Variants in PLCL1 observed in about 807,000 individuals in gnomAD.
PLCL1 encodes the protein phospholipase C like 1 (inactive).
In PLCL1, 41 loss-of-function variants were observed where a neutral mutation model predicts 84.4. The observed-to-expected ratio is 0.49, with a 90% CI of 0.38 to 0.63. PLCL1 has a LOEUF of 0.63. Ranked by LOEUF, PLCL1 falls within the 30% of genes least tolerant of loss-of-function variation. The pLI, the probability that PLCL1 is intolerant of heterozygous loss-of-function variation, is 0.00. For synonymous variants in PLCL1, 490 were observed against 488.3 expected, an observed-to-expected ratio of 1.00 and a Z score of -0.05; for missense variants, 1,206 against 1,367.8, an observed-to-expected ratio of 0.88 and a Z score of 1.87.
intron 1 of PLCL1, among the ~76,000 whole-genome samples, chr2:198,009,328 A>G (rs1690811251): frequency 6.6e-6 from 1 of 152,004 alleles, no homozygotes; most frequent in African/African-American, 2.4e-5. Flanking sequence ...TCTAATTTTT[A>G]GGTCTTTAAT....
At chr2:197,878,077 A>G (rs1373994088) in intron 1 of PLCL1, among the ~76,000 whole-genome samples, 6 of 152,310 alleles carry the variant, frequency 3.9e-5, no homozygotes, top group African/African-American at 7.2e-5. Context: ...AAAGGAGGCT[A>G]TATTTCTGGG....
chr2:198,008,388 A>G (rs1420266104), intron 1 of PLCL1, among the ~76,000 whole-genome samples: 1 of 152,078 alleles, frequency 6.6e-6, no homozygotes, highest in Non-Finnish European at 1.5e-5. Context: ...AGACCCTGGA[A>G]ATTACCATTC....
intron 1 of PLCL1, among the ~76,000 whole-genome samples, chr2:197,813,336 T>C (rs1690627253): frequency 1.3e-5 from 2 of 152,176 alleles, no homozygotes; most frequent in South Asian, 4.1e-4. Context: ...TAATCATTGA[T>C]GGTGACTAAT....
intron 1 of PLCL1, among the ~76,000 whole-genome samples, chr2:197,885,665 A>AT (rs1003995179): frequency 2.0e-5 from 3 of 152,140 alleles, no homozygotes; most frequent in Non-Finnish European, 4.4e-5. Flanking sequence ...CAGCTCAAAC[A>AT]TTTTTCCCTC....
At chr2:197,826,727 A>G (rs1402035173) in intron 1 of PLCL1, among the ~76,000 whole-genome samples, 5 of 152,180 alleles carry the variant, frequency 3.3e-5, no homozygotes, top group African/African-American at 1.2e-4. Context: ...AATGTATTAA[A>G]ACTGTAAGCC....
At chr2:197,983,709 C>T (rs1690165119) in intron 1 of PLCL1, among the ~76,000 whole-genome samples, 1 of 152,106 alleles carries the variant, frequency 6.6e-6, no homozygotes, top group Non-Finnish European at 1.5e-5. Context: ...GGTGATGAGG[C>T]CTGTAGGGAT....
At chr2:197,844,144 A>G (rs1452950944) in intron 1 of PLCL1, among the ~76,000 whole-genome samples, 1 of 152,158 alleles carries the variant, frequency 6.6e-6, no homozygotes, top group East Asian at 1.9e-4. Flanking sequence ...ATATATATAC[A>G]GAAAAGTGGT....
chr2:198,127,180 A>G (rs1318706148), intron 5 of PLCL1, among the ~76,000 whole-genome samples: 1 of 152,106 alleles, frequency 6.6e-6, no homozygotes, highest in African/African-American at 2.4e-5. Context: ...TTGCCCTTCC[A>G]TCCACATACC....
At chr2:197,879,798 T>A (rs1309948467) in intron 1 of PLCL1, among the ~76,000 whole-genome samples, 1 of 152,164 alleles carries the variant, frequency 6.6e-6, no homozygotes, top group Non-Finnish European at 1.5e-5. Context: ...AGGGCTAGCC[T>A]TTATCTTTCT....
chr2:198,044,506 A>T (rs997329397), intron 1 of PLCL1, among the ~76,000 whole-genome samples: 1 of 152,204 alleles, frequency 6.6e-6, no homozygotes, highest in African/African-American at 2.4e-5. Flanking sequence ...CTTAGAGAGG[A>T]ACAATTTCTG....
intron 1 of PLCL1, among the ~76,000 whole-genome samples, chr2:197,850,021 GACACACACAGACACAC>G (rs1279597393): frequency 3.2e-5 from 3 of 93,234 alleles, no homozygotes; most frequent in African/African-American, 9.2e-5. Context: ...CAGACACACA[GACACACACAGACACAC>G]ACACACACAC....
chr2:198,084,237 G>A lies in PLCL1; in HGVS notation c.720G>A (p.Arg240=). ...DFMEGNQNTP[R]FMWLKTVFEA... is the part of the protein sequence containing the mutation. The stretch of plus-strand genomic sequence containing the variant: ...TGGAGGGCAACCAGAACACACCACG[G>A]TTCATGTGGTTGAAAACAGTGTTTG... Residue 240 remains arginine, a synonymous_variant, in exon 2 of 6, where the codon CGG becomes CGA. Coordinates refer to ENST00000428675, the MANE Select transcript of PLCL1 (RefSeq NM_006226.4). 3 of 1,614,112 alleles carry A rather than the reference G, an allele frequency of 1.9e-6. No individual in the cohort carries two copies. The highest frequency in any genetic ancestry group is 2.2e-5 in the South Asian group (2 of 91,082).
chr2:198,039,806 T>A (rs1313239486), intron 1 of PLCL1, among the ~76,000 whole-genome samples: 7 of 152,214 alleles, frequency 4.6e-5, no homozygotes, highest in Admixed American at 6.5e-5. Context: ...TGCTGAGAAC[T>A]AGAGATGTTA....
Position 197,978,098 on chromosome 2 carries a change from A to G in PLCL1, c.241-105660A>G, listed in dbSNP as rs559580763. On this transcript the variant is annotated intron_variant, in intron 1 of 5. Coordinates refer to ENST00000428675, the MANE Select transcript of PLCL1 (RefSeq NM_006226.4). ...AACTCTGTATGATATTTTTTATTGT[A>G]GAGTAAATCCGCACTTTGTTCATAT... Among the ~76,000 whole-genome samples the G allele has an allele frequency of 5.9e-5, 9 of 152,342 alleles. No individual in the cohort carries two copies. The East Asian group carries it at 1.7e-3, about 29-fold the overall frequency.
In PLCL1 at chr2:198,008,490, G is replaced by A. The variant is rs73058832; in HGVS notation, c.241-75268G>A. Among the ~76,000 whole-genome samples the A allele has an allele frequency of 2.7e-3, 406 of 151,322 alleles. 3 individuals are homozygous for A. The highest frequency in any genetic ancestry group is 9.5e-3 in the African/African-American group (391 of 41,302). Reference sequence around the variant, plus strand: ...TCATTTTGTGACTATTTCACTTAACGTAATGTCCTCGAGTTTCATTCTTAT... The same window carrying A: ...TCATTTTGTGACTATTTCACTTAACATAATGTCCTCGAGTTTCATTCTTAT... On this transcript the variant is annotated intron_variant, in intron 1 of 5. Coordinates refer to ENST00000428675, the MANE Select transcript of PLCL1 (RefSeq NM_006226.4).
chr2:197,978,303 C>T (rs1690028466), intron 1 of PLCL1, among the ~76,000 whole-genome samples: 1 of 151,908 alleles, frequency 6.6e-6, no homozygotes, highest in Admixed American at 6.6e-5. Flanking sequence ...GGTGAAACCC[C>T]GTCTCTACTA....
intron 1 of PLCL1, among the ~76,000 whole-genome samples, chr2:197,823,855 G>C (rs1460400202): frequency 6.6e-6 from 1 of 152,084 alleles, no homozygotes; most frequent in Non-Finnish European, 1.5e-5. Context: ...CCACTCCTCA[G>C]TATGTATAAT....
At chr2:197,992,181 A>G (rs899785117) in intron 1 of PLCL1, among the ~76,000 whole-genome samples, 7 of 152,138 alleles carry the variant, frequency 4.6e-5, no homozygotes, top group African/African-American at 1.7e-4. Flanking sequence ...GTCATTTAAC[A>G]TTAGGTATAT....
chr2:198,089,209 CA>C, intron 3 of PLCL1, 148 bp downstream of exon 3: 1 of 650,202 alleles, frequency 1.5e-6, no homozygotes, highest in African/African-American at 1.8e-5. Flanking sequence ...CCGGCCCATT[CA>C]GCTTCTGCTA....
Sources: gnomAD v4.1 joint callset for allele counts (sites outside exome capture counted in the v4.1 genomes callset) on GRCh38, gnomAD v4.1.1 for gene constraint, MANE v1.5 for transcripts, NCBI Gene and HGNC (gene_info 2026-07-23, HGNC 2026-07-21) for gene names.